The following MPP7 variants were observed in gnomAD, a reference collection of about 807,000 sequenced individuals.
MPP7 encodes the protein MAGUK p55 subfamily member 7.
In MPP7, 60 loss-of-function variants were observed where a neutral mutation model predicts 76.5. The observed-to-expected ratio is 0.78, with a 90% CI of 0.64 to 0.97. The LOEUF (loss-of-function observed/expected upper bound fraction) is 0.97, where lower values mean the gene tolerates loss of function less well. Among genes scored for constraint, MPP7 ranks in the 50% least tolerant of loss-of-function variants. The probability of loss-of-function intolerance (pLI) is 0.00; values close to 1 mark genes in which losing one functional copy is unlikely to be tolerated. For missense variants in MPP7, 641 were observed against 694.0 expected (o/e 0.92, Z 0.86); for synonymous variants, 237 against 244.5 (o/e 0.97, Z 0.29).
intron 16 of MPP7, 140 bp downstream of exon 16, chr10:28,056,340 G>T (rs1344550226): frequency 6.2e-6 from 5 of 812,866 alleles, no homozygotes; most frequent in Non-Finnish European, 9.7e-6. Flanking sequence ...CATATTTTTT[G>T]TAGAGATGGG....
At chr10:28,239,769 A>G (rs766779538) in intron 1 of MPP7, among the ~76,000 whole-genome samples, 1 of 152,210 alleles carries the variant, frequency 6.6e-6, no homozygotes, top group Non-Finnish European at 1.5e-5. Context: ...CTAGAGTTTG[A>G]CCTAATCTTT....
At chr10:28,307,150 G>A (rs915237118), upstream of MPP7, among the ~76,000 whole-genome samples, 2 of 152,130 alleles carry the variant, frequency 1.3e-5, no homozygotes, top group Non-Finnish European at 1.5e-5. Flanking sequence ...ATTTTCAATC[G>A]CCAGTCAATG....
chr10:28,330,794 A>G (rs1471465800), intron 1 of MPP7, among the ~76,000 whole-genome samples: 7 of 152,144 alleles, frequency 4.6e-5, no homozygotes, highest in African/African-American at 9.7e-5. Context: ...AGCTGGGACT[A>G]CAAGTGCACA....
chr10:28,273,935 G>A (rs1051399623), intron 1 of MPP7, among the ~76,000 whole-genome samples: 1 of 151,734 alleles, frequency 6.6e-6, no homozygotes, highest in East Asian at 1.9e-4. Flanking sequence ...TTCGAGTCCA[G>A]CCTGGGTAAC....
At chr10:28,277,090 A>G (rs937493942) in intron 1 of MPP7, among the ~76,000 whole-genome samples, 1 of 151,898 alleles carries the variant, frequency 6.6e-6, no homozygotes, top group Non-Finnish European at 1.5e-5. Context: ...GCTACTCAGG[A>G]GGCTGAGGAT....
chr10:28,072,790 T>C (rs2133375720), intron 12 of MPP7, among the ~76,000 whole-genome samples: 1 of 152,348 alleles, frequency 6.6e-6, no homozygotes, highest in Middle Eastern at 3.4e-3. Context: ...CCCAGTATGG[T>C]ATCATTCTCT....
intron 2 of MPP7, among the ~76,000 whole-genome samples, chr10:28,234,669 C>A (rs11006937): frequency 0.1 from 15,957 of 152,128 alleles, 1,297 homozygotes; most frequent in East Asian, 0.41. Context: ...ACACATAACC[C>A]CAATCTTTTC....
At chr10:28,096,663 T>C (rs961441071) in intron 11 of MPP7, among the ~76,000 whole-genome samples, 2 of 152,212 alleles carry the variant, frequency 1.3e-5, no homozygotes, top group Non-Finnish European at 2.9e-5. Flanking sequence ...ATTCCTTCCA[T>C]TGTTTCTATA....
intron 1 of MPP7, among the ~76,000 whole-genome samples, chr10:28,264,111 A>C (rs759383099): frequency 7.9e-5 from 12 of 152,122 alleles, no homozygotes; most frequent in Non-Finnish European, 1.0e-4. Context: ...AGCCTGGACA[A>C]CATAGGGAGA....
chr10:28,287,283 G>A lies in MPP7; in HGVS notation c.-132+15578C>T, dbSNP rs77800383. Reference sequence around the variant, plus strand: ...CCAATATGCAGACGGTTAATAAGACGGTATTGTGTCCTTAAAAATTTGTAG... The same window carrying A: ...CCAATATGCAGACGGTTAATAAGACAGTATTGTGTCCTTAAAAATTTGTAG... On this transcript the variant is annotated intron_variant, in intron 1 of 16. Coordinates refer to ENST00000683449, the MANE Select transcript of MPP7 (RefSeq NM_001318170.2). Among the ~76,000 whole-genome samples the A allele has an allele frequency of 5.1e-3, 768 of 152,040 alleles. 7 individuals carry two copies. Among genetic ancestry groups the A allele is most frequent in the African/African-American group, 0.017 (700 of 41,480 alleles).
chr10:28,113,095 C>G (rs978405197), intron 11 of MPP7, among the ~76,000 whole-genome samples: 4 of 152,188 alleles, frequency 2.6e-5, no homozygotes, highest in Non-Finnish European at 5.9e-5. Flanking sequence ...CTCTACACCC[C>G]ACGTGGACCA....
At chr10:28,228,623 G>A (rs375654064) in intron 2 of MPP7, among the ~76,000 whole-genome samples, 12 of 152,078 alleles carry the variant, frequency 7.9e-5, no homozygotes, top group East Asian at 3.9e-4. Context: ...AAAATTAGCC[G>A]GGTGTGGTGG....
At chr10:28,102,962 G>C (rs894857279) in intron 11 of MPP7, among the ~76,000 whole-genome samples, 2 of 152,172 alleles carry the variant, frequency 1.3e-5, no homozygotes, top group African/African-American at 4.8e-5. Context: ...TGGAGTATAA[G>C]AGCCAAAGTT....
At chr10:28,172,455 T>C (rs1157510445) in intron 3 of MPP7, among the ~76,000 whole-genome samples, 2 of 152,244 alleles carry the variant, frequency 1.3e-5, no homozygotes, top group African/African-American at 4.8e-5. Context: ...TAAACATACA[T>C]GTATTGTATT....
At chr10:28,082,916 A>G (rs1196934644) in intron 12 of MPP7, among the ~76,000 whole-genome samples, 3 of 152,166 alleles carry the variant, frequency 2.0e-5, no homozygotes, top group African/African-American at 7.2e-5. Context: ...TCTTATTAAA[A>G]CCATACTAGG....
At chr10:28,306,668 T>TAGAGAGAGAGAGAG (rs55731439), upstream of MPP7, among the ~76,000 whole-genome samples, 14,341 of 148,312 alleles carry the variant, frequency 0.097, 823 homozygotes, top group Middle Eastern at 0.13. Context: ...GATAGATAGA[T>TAGAGAGAGAGAGAG]AGAGAGAGAG....
chr10:28,321,172 T>A (rs1037251459), intron 2 of MPP7, among the ~76,000 whole-genome samples: 1 of 152,078 alleles, frequency 6.6e-6, no homozygotes, highest in Non-Finnish European at 1.5e-5. Context: ...TAGTTTCCTC[T>A]CCTGCAAAAA....
intron 1 of MPP7, among the ~76,000 whole-genome samples, chr10:28,263,128 G>A (rs569075894): frequency 9.2e-5 from 14 of 152,170 alleles, no homozygotes; most frequent in Non-Finnish European, 1.9e-4. Context: ...GCACTCAGGT[G>A]TCTAAGTACC....
chr10:28,308,048 C>CGCT (rs1841268971), upstream of MPP7, among the ~76,000 whole-genome samples: 1 of 152,238 alleles, frequency 6.6e-6, no homozygotes, highest in Non-Finnish European at 1.5e-5. Flanking sequence ...CACTTCCCCT[C>CGCT]GCTTTCTCAT....
Sources: gnomAD v4.1 joint callset for allele counts (sites outside exome capture counted in the v4.1 genomes callset) on GRCh38, gnomAD v4.1.1 for gene constraint, MANE v1.5 for transcripts, NCBI Gene and HGNC (gene_info 2026-07-23, HGNC 2026-07-21) for gene names.